Variants in POLRMT observed in about 807,000 individuals in gnomAD.
The protein encoded by POLRMT is DNA-directed RNA polymerase, mitochondrial.
A neutral mutation model predicts 132.2 loss-of-function variants in POLRMT; 114 were observed. That is an observed-to-expected ratio of 0.86 (90% confidence interval 0.74 to 1.01). The LOEUF (loss-of-function observed/expected upper bound fraction) is 1.01. Among genes scored for constraint, POLRMT ranks in the 50% least tolerant of loss-of-function variants. POLRMT has a pLI of 0.00. For missense variants in POLRMT, 2,003 were observed against 1,729.1 expected, an observed-to-expected ratio of 1.16 and a Z score of -2.81; for synonymous variants, 1,020 against 773.4, an observed-to-expected ratio of 1.32 and a Z score of -5.29.
At position 619,661 on chromosome 19, in the gene POLRMT, C is replaced by T; in HGVS notation, c.2991G>A (p.Val997=). 6.2e-7 allele frequency: 1 copy of T among 1,610,614 alleles called. No individual in the cohort carries two copies. Among genetic ancestry groups the T allele is most frequent in the Non-Finnish European group, 8.5e-7 (1 of 1,179,574 alleles). ...CGCCATAGCGCGTGACCCCGTACAC[C>T]ACCGTCATCACCGTCTGCTTCACCA... The part of the protein sequence containing the change: ...RKVVKQTVMT[V]VYGVTRYGGR... The change falls in exon 13 of 21, where the codon GTG becomes GTA. Residue 997 remains valine, a synonymous_variant. Coordinates refer to ENST00000588649, the MANE Select transcript of POLRMT (RefSeq NM_005035.4).
intron 8 of POLRMT, 24 bp downstream of exon 8, chr19:622,558 G>A (rs1984698706): frequency 1.3e-6 from 2 of 1,579,860 alleles, no homozygotes; most frequent in Admixed American, 1.7e-5. Context: ...CCCCAGCCAG[G>A]AGGAGAGGGG....
At chr19:619,832 A>G (rs1335882672) in intron 12 of POLRMT, 67 bp from the exon 13 acceptor site, 9 of 1,551,806 alleles carry the variant, frequency 5.8e-6, no homozygotes, top group Non-Finnish European at 7.8e-6. Context: ...CCAAGCACCC[A>G]TGAAGCCCCC....
intron 2 of POLRMT, among the ~76,000 whole-genome samples, chr19:631,912 C>A (rs901054618): frequency 2.6e-5 from 4 of 152,136 alleles, no homozygotes; most frequent in South Asian, 4.1e-4. Context: ...GTAGCTGGCA[C>A]TGCAGGCGTT....
At chr19:623,731 G>C in intron 5 of POLRMT, 128 bp from the exon 6 acceptor site, 1 of 1,134,384 alleles carries the variant, frequency 8.8e-7, no homozygotes, top group Non-Finnish European at 1.2e-6. Flanking sequence ...TCGCTGACGC[G>C]GGGAAAGGCG....
chr19:622,077 G>C, intron 9 of POLRMT, 72 bp downstream of exon 9: 1 of 1,386,048 alleles, frequency 7.2e-7, no homozygotes, highest in Non-Finnish European at 9.7e-7. Context: ...TCCGCCCAAA[G>C]GCGCCAACCC....
rs572034086 is a variant in POLRMT at position 622,759 on chromosome 19, A to T, written c.1456-7T>A. 81 of 1,580,976 alleles carry T rather than the reference A, an allele frequency of 5.1e-5. No individual in the cohort carries two copies. In the African/African-American group the frequency reaches 9.7e-4, roughly 19 times the overall value. On this transcript the variant is annotated splice_region_variant and splice_polypyrimidine_tract_variant and intron_variant, in intron 7 of 20. Transcript: ENST00000588649. ...CGGGCAGCGCCTGCAGGACCTGCGGAAGGCAGCCGTGAGTGCCTGCCCGCC... is the reference window on the plus strand; with the variant it reads ...CGGGCAGCGCCTGCAGGACCTGCGGTAGGCAGCCGTGAGTGCCTGCCCGCC...
rs8100041 is a variant in POLRMT, at chr19:629,387, C to T, written c.822+153G>A. 1.5e-3 allele frequency among the ~76,000 whole-genome samples: 221 copies of T among 152,112 alleles called. 1 individual carries two copies. The highest frequency in any genetic ancestry group is 5.1e-3 in the African/African-American group (213 of 41,482). On this transcript the variant is annotated intron_variant, in intron 3 of 20. Coordinates refer to ENST00000588649, the MANE Select transcript of POLRMT (RefSeq NM_005035.4). ...TCATTTTCAAAATTTGAGAGTCACA[C>T]GTGATTTGTATTTGAAAAGCCTAAA...
chr19:629,082 G>C (rs1985223119), intron 3 of POLRMT, among the ~76,000 whole-genome samples: 1 of 152,176 alleles, frequency 6.6e-6, no homozygotes, highest in Non-Finnish European at 1.5e-5. Flanking sequence ...ACGAAGATGG[G>C]TGGGATACAT....
Position 624,917 on chromosome 19 carries a change from G to GCGGC in POLRMT, c.954-16_954-13dup. 1 of 1,598,178 alleles carries GCGGC rather than the reference G, an allele frequency of 6.3e-7. No individual in the cohort carries two copies. On this transcript the variant is annotated splice_polypyrimidine_tract_variant and intron_variant, in intron 4 of 20. Coordinates refer to ENST00000588649, the MANE Select transcript of POLRMT (RefSeq NM_005035.4). ...TCTGTTCCAGACACCTGTGGTGCAG[G>GCGGC]CGGCCTGCTCGAGGGACGGGCCAGC...
Position 620,493 on chromosome 19 carries a change from G to A in POLRMT, c.2641-6C>T, listed in dbSNP as rs759666217. The A allele has an allele frequency of 5.1e-6, 8 of 1,574,310 alleles. No individual in the cohort carries two copies. The highest frequency in any genetic ancestry group is 4.1e-5 in the African/African-American group (3 of 73,952). On this transcript the variant is annotated splice_polypyrimidine_tract_variant and splice_region_variant and intron_variant, in intron 10 of 20. Coordinates refer to ENST00000588649, the MANE Select transcript of POLRMT (RefSeq NM_005035.4). Reference sequence around the variant, plus strand: ...CCCATCCACCACTTTCGGCCCTGCGGGGACAGCGGATGGGGGGCAGTGAGG... The same window carrying A: ...CCCATCCACCACTTTCGGCCCTGCGAGGACAGCGGATGGGGGGCAGTGAGG...
At chr19:620,546 G>A in intron 10 of POLRMT, 59 bp from the exon 11 acceptor site, 3 of 1,472,062 alleles carry the variant, frequency 2.0e-6, no homozygotes, top group Admixed American at 2.5e-5. Flanking sequence ...AGCCCGCTGG[G>A]AGGCTGTGTT....
At chr19:626,063 G>A (rs570396155) in intron 3 of POLRMT, among the ~76,000 whole-genome samples, 2 of 152,194 alleles carry the variant, frequency 1.3e-5, no homozygotes, top group South Asian at 4.2e-4. Context: ...TGTGTCAGCT[G>A]CATCCCAGGA....
intron 3 of POLRMT, among the ~76,000 whole-genome samples, chr19:627,295 G>A (rs1985093684): frequency 6.6e-6 from 1 of 151,910 alleles, no homozygotes. Context: ...GGGACTGCAG[G>A]CGCCCGCCAC....
chr19:618,932 G>T, intron 15 of POLRMT, 65 bp downstream of exon 15: 1 of 1,408,690 alleles, frequency 7.1e-7, no homozygotes, highest in Middle Eastern at 2.5e-4. Flanking sequence ...TGGGGCACTG[G>T]TACACTGGGA....
At chr19:628,860 C>T in intron 3 of POLRMT, among the ~76,000 whole-genome samples, 1 of 152,116 alleles carries the variant, frequency 6.6e-6, no homozygotes, top group East Asian at 1.9e-4. Flanking sequence ...AAAAATTAAT[C>T]GGGGGTGGTG....
At position 620,964 on chromosome 19, in the gene POLRMT, AGGGGGCGC is replaced by A. The variant is rs1319186997; in HGVS notation, c.2640+86_2640+93del. On this transcript the variant is annotated intron_variant, in intron 10 of 20. Coordinates refer to ENST00000588649, the MANE Select transcript of POLRMT (RefSeq NM_005035.4). ...GGGGGAGGGGAGGAGGAAGACGGGC[AGGGGGCGC>A]GGGGGCGCCGGGGGAGGGCGCGGGG... 1.8e-5 allele frequency: 8 copies of A among 443,760 alleles called. 2 individuals carry two copies. The highest frequency in any genetic ancestry group is 1.7e-4 in the African/African-American group (2 of 12,104). The allele number at this position is 443,760 out of a possible 1,614,324, so 27.5% of individuals were successfully genotyped here.
chr19:629,584 T>C lies in POLRMT; in HGVS notation c.778A>G (p.Thr260Ala), dbSNP rs1281907254. The C allele has an allele frequency of 1.3e-6, 2 of 1,591,192 alleles. No individual in the cohort carries two copies. Among genetic ancestry groups the C allele is most frequent in the Admixed American group, 3.5e-5 (2 of 57,086 alleles). ...ATCACGGCGTTGTACATGTCCAGCGTGAGCAGCTTCCGCTTCTGCCGCTGG... is the reference window on the plus strand; with the variant it reads ...ATCACGGCGTTGTACATGTCCAGCGCGAGCAGCTTCCGCTTCTGCCGCTGG... ...HGQRQKRKLL[T>A]LDMYNAVMLG... The change falls in exon 3 of 21, where the codon ACG becomes GCG. Residue 260 changes from threonine (T) to alanine (A), a missense_variant. Coordinates refer to ENST00000588649, the MANE Select transcript of POLRMT (RefSeq NM_005035.4).
At position 621,041 on chromosome 19, in the gene POLRMT, G is replaced by A; in HGVS notation, c.2640+17C>T. The stretch of plus-strand genomic sequence containing the variant: ...GGGGTGCCGGGAGGGCGGGGAATGC[G>A]GGGGCCCCGCCCCTACCGTCAAGGG... On this transcript the variant is annotated intron_variant, in intron 10 of 20. Coordinates refer to ENST00000588649, the MANE Select transcript of POLRMT (RefSeq NM_005035.4). The A allele has an allele frequency of 1.3e-6, 2 of 1,556,252 alleles. No individual in the cohort carries two copies. The highest frequency in any genetic ancestry group is 3.2e-5 in the African/African-American group (2 of 62,914).
chr19:618,320 C>T (rs1984178703), intron 17 of POLRMT, 168 bp downstream of exon 17: 2 of 605,556 alleles, frequency 3.3e-6, no homozygotes, highest in African/African-American at 3.7e-5. Context: ...GGACCACCTA[C>T]ATTCGGGGCA....
Sources: gnomAD v4.1 joint callset for allele counts (sites outside exome capture counted in the v4.1 genomes callset) on GRCh38, gnomAD v4.1.1 for gene constraint, MANE v1.5 for transcripts, NCBI Gene and HGNC (gene_info 2026-07-23, HGNC 2026-07-21) for gene names.